Variants in PCDHGA8 observed in about 807,000 individuals in gnomAD.
PCDHGA8 encodes protocadherin gamma-A8.
In PCDHGA8, 45 loss-of-function variants were observed where a neutral mutation model predicts 59.2. The observed-to-expected ratio is 0.76, with a 90% confidence interval of 0.60 to 0.98. The LOEUF (loss-of-function observed/expected upper bound fraction) is 0.98. PCDHGA8 is among the 50% of genes least tolerant of loss of function. The probability of loss-of-function intolerance (pLI) is 0.00; values close to 1 mark genes in which losing one functional copy is unlikely to be tolerated. For missense variants in PCDHGA8, 1,257 were observed against 1,196.2 expected, an observed-to-expected ratio of 1.05 and a Z score of -0.75; for synonymous variants, 531 against 519.0, an observed-to-expected ratio of 1.02 and a Z score of -0.32.
At chr5:141,433,070 CCCCAG>C in intron 1 of PCDHGA8, 1 of 1,614,174 alleles carries the variant, frequency 6.2e-7, no homozygotes, top group Non-Finnish European at 8.5e-7. Context: ...CCTGATCTTC[CCCCAG>C]CCCAACTATG....
chr5:141,397,609 G>A (rs2093544805), intron 1 of PCDHGA8, among the ~76,000 whole-genome samples: 1 of 152,186 alleles, frequency 6.6e-6, no homozygotes. Flanking sequence ...AGTGACAAGG[G>A]CAATACTTAG....
At chr5:141,438,583 CATACATACATATATATATATATATATAT>C (rs1227221577) in intron 1 of PCDHGA8, among the ~76,000 whole-genome samples, 1 of 57,610 alleles carries the variant, frequency 1.7e-5, no homozygotes, top group African/African-American at 9.0e-5. Flanking sequence ...TACATACATA[CATACATACATATATATATATATATATAT>C]ATATATATAT....
chr5:141,476,922 C>T lies in PCDHGA8; in HGVS notation c.2425-17885C>T. 4 of 1,614,120 alleles carry T rather than the reference C, an allele frequency of 2.5e-6. No individual in the cohort carries two copies. Among genetic ancestry groups the T allele is most frequent in the Non-Finnish European group, 2.5e-6 (3 of 1,180,050 alleles). On this transcript the variant is annotated intron_variant, in intron 1 of 3. Transcript: ENST00000398604. The surrounding 1 kb of genome is among the most constrained non-coding windows in gnomAD (Gnocchi z 7.6). ...ACGCGCGTGGTACAAGTCCTTGCAA[C>T]GGATCTGGATGAAGGCCCCAACGGT...
chr5:141,476,137 G>A lies in PCDHGA8; in HGVS notation c.2425-18670G>A. The A allele has an allele frequency of 1.2e-6, 2 of 1,609,204 alleles. No homozygotes were observed. The highest frequency in any genetic ancestry group is 1.7e-6 in the Non-Finnish European group (2 of 1,178,592). On this transcript the variant is annotated intron_variant, in intron 1 of 3. Coordinates refer to ENST00000398604, the MANE Select transcript of PCDHGA8 (RefSeq NM_032088.2). The surrounding 1 kb of genome is among the most constrained non-coding windows in gnomAD (Gnocchi z 7.6). ...GTGAGATGGTCCCAGAGGCCTGGAGGAGCGGACTGGTAAGCACCGGGAGGG... is the reference window on the plus strand; with the variant it reads ...GTGAGATGGTCCCAGAGGCCTGGAGAAGCGGACTGGTAAGCACCGGGAGGG...
intron 1 of PCDHGA8, among the ~76,000 whole-genome samples, chr5:141,438,793 C>T (rs982191766): frequency 2.7e-5 from 4 of 149,544 alleles, no homozygotes; most frequent in African/African-American, 7.4e-5. Context: ...TCTCCAGTAG[C>T]TGGGATTACA....
At position 141,486,348 on chromosome 5, in the gene PCDHGA8, A is replaced by G. The variant is rs754981437; in HGVS notation, c.2425-8459A>G. ...GATGTGAGCCTCCGCATTCCTGACC[A>G]CTTGCCATTTGCCCTCAAGTCTGCC... is the stretch of plus-strand genomic sequence containing the variant. On this transcript the variant is annotated intron_variant, in intron 1 of 3. Transcript: ENST00000398604. The surrounding 1 kb of genome is among the most constrained non-coding windows in gnomAD (Gnocchi z 5.0). 1.9e-6 allele frequency: 3 copies of G among 1,613,900 alleles called. No individual in the cohort carries two copies. The highest frequency in any genetic ancestry group is 2.5e-6 in the Non-Finnish European group (3 of 1,179,996).
chr5:141,507,554 A>C (rs1384910590), intron 3 of PCDHGA8, among the ~76,000 whole-genome samples: 2 of 152,258 alleles, frequency 1.3e-5, no homozygotes, highest in African/African-American at 4.8e-5. Context: ...TGAAAGTGGC[A>C]GGCGGCTGGG....
At chr5:141,465,467 C>T (rs2099103834) in intron 1 of PCDHGA8, among the ~76,000 whole-genome samples, 1 of 152,178 alleles carries the variant, frequency 6.6e-6, no homozygotes, top group Non-Finnish European at 1.5e-5. Flanking sequence ...CCAAATTGCC[C>T]TTGCTTCATG....
At position 141,394,907 on chromosome 5, in the gene PCDHGA8, T is replaced by C. The variant is rs1477088272; in HGVS notation, c.2094T>C (p.Ala698=). 1.2e-6 allele frequency: 2 copies of C among 1,613,640 alleles called. No individual in the cohort carries two copies. The highest frequency in any genetic ancestry group is 1.7e-6 in the Non-Finnish European group (2 of 1,179,896). ...SLTLYLVVAV[A]AISCVFLAFV... ...CACTCTATCTCGTGGTGGCAGTGGCTGCCATCTCCTGTGTCTTCCTCGCCT... is the reference window on the plus strand; with the variant it reads ...CACTCTATCTCGTGGTGGCAGTGGCCGCCATCTCCTGTGTCTTCCTCGCCT... Residue 698 remains alanine (A), a synonymous_variant, in exon 1 of 4, where the codon GCT becomes GCC. Coordinates refer to ENST00000398604, the MANE Select transcript of PCDHGA8 (RefSeq NM_032088.2).
intron 1 of PCDHGA8, among the ~76,000 whole-genome samples, chr5:141,451,727 C>A (rs2098722766): frequency 6.6e-6 from 1 of 152,014 alleles, no homozygotes; most frequent in Admixed American, 6.6e-5. Flanking sequence ...ACTAAAAATA[C>A]AAAAATTAGC....
chr5:141,490,936 C>T lies in PCDHGA8; in HGVS notation c.2425-3871C>T. 6.2e-7 allele frequency: 1 copy of T among 1,613,694 alleles called. No individual in the cohort carries two copies. On this transcript the variant is annotated intron_variant, in intron 1 of 3. Transcript: ENST00000398604. The surrounding 1 kb of genome is among the most constrained non-coding windows in gnomAD (Gnocchi z 5.4). ...GAATGATAATGCCCCAGCTGTGCTG[C>T]ACCCACGGCCAGACTGGGAACACTC...
At chr5:141,415,736 TAAGG>T (rs2095905512) in intron 1 of PCDHGA8, 1 of 1,289,864 alleles carries the variant, frequency 7.8e-7, no homozygotes, top group Admixed American at 3.4e-5. Flanking sequence ...TGATGTTTAT[TAAGG>T]TTTTTTTTTT....
chr5:141,404,826 A>C lies in PCDHGA8; in HGVS notation c.2424+9589A>C, dbSNP rs771996319. 2.5e-6 allele frequency: 4 copies of C among 1,613,710 alleles called. No individual in the cohort carries two copies. In the South Asian group the frequency reaches 3.3e-5, roughly 13 times the overall value. The stretch of plus-strand genomic sequence containing the variant: ...TTCTCGGTGGGGCTGCACACAGGTG[A>C]AGTGCGCACAGCTCGGGCCCTGCTA... On this transcript the variant is annotated intron_variant, in intron 1 of 3. Transcript: ENST00000398604.
chr5:141,422,909 C>T (rs1260941191), intron 1 of PCDHGA8: 1 of 1,614,252 alleles, frequency 6.2e-7, no homozygotes, highest in East Asian at 2.2e-5. Flanking sequence ...GACAATGCGC[C>T]CGAGATCCTG....
intron 2 of PCDHGA8, among the ~76,000 whole-genome samples, chr5:141,499,314 A>C (rs2099791047): frequency 6.6e-6 from 1 of 152,238 alleles, no homozygotes; most frequent in Non-Finnish European, 1.5e-5. Context: ...TCTGAGAGAC[A>C]GTATCCCTGC....
At chr5:141,428,100 G>C (rs1313410784) in intron 1 of PCDHGA8, 11 of 1,608,462 alleles carry the variant, frequency 6.8e-6, no homozygotes, top group Non-Finnish European at 9.3e-6. Context: ...GTCCTACCAC[G>C]TGCTGCAGGC....
intron 1 of PCDHGA8, chr5:141,421,270 C>G: frequency 6.2e-7 from 1 of 1,612,094 alleles, no homozygotes; most frequent in Non-Finnish European, 8.5e-7. Context: ...TCGGCTGCTG[C>G]TGCTGCTGTG....
Position 141,486,054 on chromosome 5 carries a change from G to T in PCDHGA8, c.2425-8753G>T. The T allele has an allele frequency of 1.2e-6, 2 of 1,614,124 alleles. No homozygotes were observed. Among genetic ancestry groups the T allele is most frequent in the South Asian group, 1.1e-5 (1 of 91,072 alleles). On this transcript the variant is annotated intron_variant, in intron 1 of 3. Transcript: ENST00000398604. The surrounding 1 kb of genome is among the most constrained non-coding windows in gnomAD (Gnocchi z 5.0). The stretch of plus-strand genomic sequence containing the variant: ...CCTGATCGTGTAAGAAACCTCTTTA[G>T]CCTGCACCCCACTACTGGAAAGCTT...
chr5:141,501,947 T>A (rs2099811963), intron 2 of PCDHGA8, among the ~76,000 whole-genome samples: 1 of 152,152 alleles, frequency 6.6e-6, no homozygotes, highest in Non-Finnish European at 1.5e-5. Context: ...CTGCTCCCTG[T>A]GACAGGTCAT....
Sources: allele counts gnomAD v4.1 joint callset (sites outside exome capture counted in the v4.1 genomes callset), GRCh38; gene constraint gnomAD v4.1.1; non-coding constraint Gnocchi (gnomAD v3.1); transcripts MANE v1.5; gene names NCBI Gene and HGNC (gene_info 2026-07-23, HGNC 2026-07-21).